GRHL1: variants seen among roughly 807,000 people sequenced by gnomAD.
GRHL1 encodes the protein grainyhead like transcription factor 1.
Under a neutral mutation model 75.7 loss-of-function variants are expected in GRHL1, and 38 were observed. The ratio of observed to expected loss-of-function variants is 0.50; its 90% CI spans 0.39 to 0.66. GRHL1 has a LOEUF of 0.66. GRHL1 is among the 30% of genes least tolerant of loss of function. GRHL1 has a pLI of 0.00. For missense variants in GRHL1, 589 were observed against 767.5 expected, an observed-to-expected ratio of 0.77 and a Z score of 2.75; for synonymous variants, 266 against 279.4, an observed-to-expected ratio of 0.95 and a Z score of 0.48.
intron 12 of GRHL1, among the ~76,000 whole-genome samples, chr2:9,994,275 G>A (rs941490276): frequency 1.3e-5 from 2 of 151,480 alleles, no homozygotes; most frequent in African/African-American, 2.4e-5. Context: ...CTCCTGAGTA[G>A]GTGGGACTAC....
intron 8 of GRHL1, among the ~76,000 whole-genome samples, chr2:9,969,184 C>G (rs2125218065): frequency 6.6e-6 from 1 of 152,270 alleles, no homozygotes; most frequent in East Asian, 1.9e-4. Flanking sequence ...AAGCAAGGGC[C>G]TCTCGAAGCC....
intron 5 of GRHL1, 24 bp from the exon 6 acceptor site, chr2:9,963,862 C>T (rs555572635): frequency 5.1e-6 from 8 of 1,579,578 alleles, no homozygotes; most frequent in Non-Finnish European, 6.9e-6. Flanking sequence ...GATTTAGAGA[C>T]CTGTGACTTT....
Position 10,001,712 on chromosome 2 carries a change from C to T in GRHL1, c.*1005C>T. 6.6e-6 allele frequency: 1 copy of T among 152,226 alleles called. No individual in the cohort carries two copies. Among genetic ancestry groups the T allele is most frequent in the East Asian group, 1.9e-4 (1 of 5,206 alleles). 9.4% of individuals were successfully genotyped at this position (152,226 alleles called of 1,614,324 possible). ...CAAATGAAGTAAAAGAAAAACACTA[C>T]TGCAATCACGTCTTTTGTTATGCTA... On this transcript the variant is annotated 3_prime_UTR_variant, in exon 16 of 16. Transcript: ENST00000324907.
At chr2:9,996,770 C>T (rs1411374853) in intron 14 of GRHL1, among the ~76,000 whole-genome samples, 1 of 152,214 alleles carries the variant, frequency 6.6e-6, no homozygotes, top group Admixed American at 6.5e-5. Flanking sequence ...CCTCAGTCTA[C>T]CTTTAAAACT....
chr2:9,955,312 T>G (rs1454883182), intron 2 of GRHL1, among the ~76,000 whole-genome samples: 1 of 152,212 alleles, frequency 6.6e-6, no homozygotes, highest in Non-Finnish European at 1.5e-5. Flanking sequence ...TGCAAAGCGG[T>G]CAGCTGCTGT....
At chr2:9,958,890 A>G (rs1396684833) in intron 3 of GRHL1, 34 bp downstream of exon 3, 2 of 1,606,776 alleles carry the variant, frequency 1.2e-6, no homozygotes, top group Non-Finnish European at 8.5e-7. Context: ...TAAAGAGTGC[A>G]GGGGGAAATG....
chr2:9,965,109 C>A (rs1475545064), intron 7 of GRHL1, 178 bp from the exon 8 acceptor site: 3 of 527,876 alleles, frequency 5.7e-6, no homozygotes, highest in African/African-American at 1.9e-5. Flanking sequence ...GCCTCTATTA[C>A]AAAAACTCTG....
rs184023163 is a variant in GRHL1, at chr2:9,986,096, C to T, written c.1111-28C>T. ...GCTAGGTTTGACTTGGTGCCTGTTG[C>T]TTATGGAACCTTCTCTTCCCTTGGC... is the stretch of plus-strand genomic sequence containing the variant. On this transcript the variant is annotated intron_variant, in intron 8 of 15. Coordinates refer to ENST00000324907, the MANE Select transcript of GRHL1 (RefSeq NM_198182.3). 1,576 of 1,579,806 alleles carry T rather than the reference C, an allele frequency of 1.0e-3. 1 individual carries two copies. The highest frequency in any genetic ancestry group is 1.3e-3 in the Non-Finnish European group (1,466 of 1,161,886).
intron 6 of GRHL1, 43 bp from the exon 7 acceptor site, chr2:9,964,192 C>A: frequency 7.4e-7 from 1 of 1,359,342 alleles, no homozygotes; most frequent in Non-Finnish European, 1.0e-6. Flanking sequence ...AAAACATACT[C>A]ACCCTTTAGT....
chr2:9,959,058 C>T (rs1361235918), intron 3 of GRHL1: 7 of 598,724 alleles, frequency 1.2e-5, no homozygotes, highest in Non-Finnish European at 2.6e-6. Context: ...GTAGTAGTTG[C>T]CTTTTCTAGG....
At chr2:9,952,277 G>A (rs1228684317) in intron 1 of GRHL1, among the ~76,000 whole-genome samples, 3 of 152,190 alleles carry the variant, frequency 2.0e-5, no homozygotes, top group Non-Finnish European at 4.4e-5. Context: ...GCCGCGTCGG[G>A]ACAGGTGGAC....
intron 8 of GRHL1, among the ~76,000 whole-genome samples, chr2:9,983,534 A>C (rs1476432721): frequency 6.6e-6 from 1 of 152,120 alleles, no homozygotes; most frequent in Non-Finnish European, 1.5e-5. Flanking sequence ...TTTGAATAGA[A>C]ACTTGAAACT....
At chr2:9,980,999 T>C (rs76049231) in intron 8 of GRHL1, among the ~76,000 whole-genome samples, 4,005 of 152,318 alleles carry the variant, frequency 0.026, 174 homozygotes, top group African/African-American at 0.091. Flanking sequence ...AGCCCTGTGG[T>C]CTTGCTCACT....
At chr2:9,967,793 G>A (rs1667551576) in intron 8 of GRHL1, among the ~76,000 whole-genome samples, 1 of 151,230 alleles carries the variant, frequency 6.6e-6, no homozygotes. Context: ...CTGTATAGTT[G>A]GTTTTTTTTT....
intron 4 of GRHL1, 42 bp downstream of exon 4, chr2:9,961,478 G>C: frequency 6.5e-7 from 1 of 1,546,040 alleles, no homozygotes; most frequent in Non-Finnish European, 8.8e-7. Context: ...CTGCGTGTTT[G>C]TATAAGTATT....
At chr2:9,993,119 C>A in intron 11 of GRHL1, 88 bp from the exon 12 acceptor site, 1 of 993,726 alleles carries the variant, frequency 1.0e-6, no homozygotes, top group Non-Finnish European at 1.6e-6. Context: ...TGGTGAAATT[C>A]AAAATTATTT....
chr2:9,965,747 A>G (rs1230226158), intron 8 of GRHL1: 5 of 203,390 alleles, frequency 2.5e-5, no homozygotes, highest in Non-Finnish European at 4.0e-5. Flanking sequence ...AATGCCCATC[A>G]AACTGTTGGA....
At position 10,002,115 on chromosome 2, in the gene GRHL1, T is replaced by G. The variant is rs1669291122; in HGVS notation, c.*1408T>G. Reference sequence around the variant, plus strand: ...TAGGTTAAAGTATTCTAATGAAGTATGGGAACTAAATTGCTGGTTTTCTAA... The same window carrying G: ...TAGGTTAAAGTATTCTAATGAAGTAGGGGAACTAAATTGCTGGTTTTCTAA... On this transcript the variant is annotated 3_prime_UTR_variant, in exon 16 of 16. Coordinates refer to ENST00000324907, the MANE Select transcript of GRHL1 (RefSeq NM_198182.3). 6.6e-6 allele frequency: 1 copy of G among 152,658 alleles called. No homozygotes were observed. The highest frequency in any genetic ancestry group is 2.4e-5 in the African/African-American group (1 of 41,470). The allele number at this position is 152,658 out of a possible 1,614,324, so 9.5% of individuals were successfully genotyped here. A position where few individuals can be genotyped will look rare whatever the true frequency, so the allele number is the denominator to read the frequency against.
At chr2:9,967,327 G>A (rs532611410) in intron 8 of GRHL1, among the ~76,000 whole-genome samples, 34 of 152,378 alleles carry the variant, frequency 2.2e-4, no homozygotes, top group Admixed American at 6.5e-4. Flanking sequence ...GATCTTGGCC[G>A]AAAGGCCCAG....
Sources: gnomAD v4.1 joint callset for allele counts (sites outside exome capture counted in the v4.1 genomes callset) on GRCh38, gnomAD v4.1.1 for gene constraint, MANE v1.5 for transcripts, NCBI Gene and HGNC (gene_info 2026-07-23, HGNC 2026-07-21) for gene names.